The following SHANK2 variants were observed in gnomAD, a reference collection of about 807,000 sequenced individuals.
The protein encoded by SHANK2 is SH3 and multiple ankyrin repeat domains protein 2.
Under a neutral mutation model 133.7 loss-of-function variants are expected in SHANK2, and 43 were observed. That is an observed-to-expected ratio of 0.32 (90% CI 0.25 to 0.41). The LOEUF is 0.41. Ranked by LOEUF, SHANK2 falls within the 10% of genes least tolerant of loss-of-function variation. SHANK2 has a pLI of 1.00. For missense variants in SHANK2, 1,994 were observed against 2,235.8 expected (o/e 0.89, Z 2.18); for synonymous variants, 1,017 against 952.8 (o/e 1.07, Z -1.24).
At chr11:70,875,861 A>C (rs1160855783) in intron 11 of SHANK2, among the ~76,000 whole-genome samples, 2 of 151,920 alleles carry the variant, frequency 1.3e-5, no homozygotes, top group African/African-American at 4.8e-5. Flanking sequence ...GTTTCAAAAA[A>C]AAAAAAAAAA....
At chr11:70,541,709 T>G (rs1554975193) in intron 17 of SHANK2, among the ~76,000 whole-genome samples, 1 of 152,240 alleles carries the variant, frequency 6.6e-6, no homozygotes, top group African/African-American at 2.4e-5. Context: ...GGGAGATATT[T>G]TTGGTTGTGA....
At position 70,830,542 on chromosome 11, in the gene SHANK2, G is replaced by A. The variant is rs1948711318; in HGVS notation, c.1175-9860C>T. Among the ~76,000 whole-genome samples the A allele has an allele frequency of 6.6e-6, 1 of 152,238 alleles. No individual in the cohort carries two copies. The highest frequency in any genetic ancestry group is 2.1e-4 in the South Asian group (1 of 4,832). On this transcript the variant is annotated intron_variant, in intron 11 of 25. Coordinates refer to ENST00000601538, the MANE Select transcript of SHANK2 (RefSeq NM_012309.5). This position sits in a 1 kb window ranked among gnomAD's most constrained non-coding sequence, Gnocchi z 4.4. ...GAGAGCTGGGGAAGCAGAGGCGGGT[G>A]CACAGCCTCCCGCAGAACTCCGGGA...
At chr11:70,798,006 G>A (rs1298592252) in intron 14 of SHANK2, among the ~76,000 whole-genome samples, 4 of 152,114 alleles carry the variant, frequency 2.6e-5, no homozygotes, top group South Asian at 2.1e-4. Context: ...GCTTCCCGTC[G>A]GAACACTGAA....
chr11:70,863,602 G>A (rs782186018), intron 11 of SHANK2: 3 of 451,242 alleles, frequency 6.6e-6, no homozygotes, highest in East Asian at 7.0e-5. Context: ...TGGTGCAAAC[G>A]GAGCTTTGCT....
chr11:70,952,728 G>A (rs1555086922), intron 10 of SHANK2: 1 of 419,352 alleles, frequency 2.4e-6, no homozygotes, highest in Admixed American at 2.7e-5. Context: ...GCAGATGGCA[G>A]GGCGGCCCTG....
intron 14 of SHANK2, among the ~76,000 whole-genome samples, chr11:70,781,558 T>TTTTATATATATATATATATATATATATA (rs1555045156): frequency 1.1e-3 from 31 of 28,956 alleles, no homozygotes; most frequent in African/African-American, 2.9e-3. Context: ...TACTTACTTA[T>TTTTATATATATATATATATATATATATA]TATATATATA....
intron 6 of SHANK2, among the ~76,000 whole-genome samples, chr11:71,098,308 T>C (rs1269438848): frequency 6.6e-6 from 1 of 152,210 alleles, no homozygotes; most frequent in Non-Finnish European, 1.5e-5. Flanking sequence ...TCTGTGTGCA[T>C]GTGTGCACAC....
chr11:70,738,007 C>T (rs782670330), intron 14 of SHANK2, among the ~76,000 whole-genome samples: 10 of 152,354 alleles, frequency 6.6e-5, no homozygotes, highest in South Asian at 4.1e-4. Context: ...TGCCAGGAGC[C>T]GGGTGCCGGG....
chr11:70,860,276 G>T (rs1271486869), intron 11 of SHANK2, among the ~76,000 whole-genome samples: 3 of 152,158 alleles, frequency 2.0e-5, no homozygotes, highest in African/African-American at 7.2e-5. Flanking sequence ...GATTTTCTCA[G>T]CTCTGTACTT....
intron 10 of SHANK2, among the ~76,000 whole-genome samples, chr11:70,928,236 T>A (rs560445854): frequency 1.3e-5 from 2 of 152,162 alleles, no homozygotes; most frequent in East Asian, 3.9e-4. Context: ...ACCCCAGCCA[T>A]GGAGCTGCCC....
chr11:70,550,616 C>T (rs1272324737), intron 17 of SHANK2, among the ~76,000 whole-genome samples: 10 of 152,296 alleles, frequency 6.6e-5, no homozygotes, highest in South Asian at 4.1e-4. Flanking sequence ...CATTTGGTCC[C>T]GGATTCGCGT....
chr11:70,562,825 C>T (rs1237202410), intron 17 of SHANK2, among the ~76,000 whole-genome samples: 2 of 152,090 alleles, frequency 1.3e-5, no homozygotes, highest in Admixed American at 1.3e-4. Context: ...ATATTTTGCC[C>T]ACCCCCGCCA....
chr11:71,128,834 G>T (rs1211639900), intron 3 of SHANK2, among the ~76,000 whole-genome samples: 2 of 152,166 alleles, frequency 1.3e-5, no homozygotes, highest in African/African-American at 2.4e-5. Context: ...CGCCAGGCTG[G>T]AGTGCAGTGG....
At chr11:71,136,869 T>C (rs1190315643) in intron 3 of SHANK2, among the ~76,000 whole-genome samples, 1 of 152,176 alleles carries the variant, frequency 6.6e-6, no homozygotes, top group African/African-American at 2.4e-5. Context: ...TGGTATTCTT[T>C]TTTATTTTTT....
intron 10 of SHANK2, among the ~76,000 whole-genome samples, chr11:70,898,183 G>T (rs192798647): frequency 6.6e-6 from 1 of 150,476 alleles, no homozygotes; most frequent in Non-Finnish European, 1.5e-5. Context: ...TGTTGGCCAG[G>T]ATGGTCTCAA....
At chr11:70,566,141 T>C (rs1349585641) in intron 17 of SHANK2, among the ~76,000 whole-genome samples, 1 of 152,070 alleles carries the variant, frequency 6.6e-6, no homozygotes, top group Non-Finnish European at 1.5e-5. Context: ...TTCACTACTA[T>C]GAGAACAGTA....
intron 14 of SHANK2, among the ~76,000 whole-genome samples, chr11:70,720,557 T>G (rs1302329905): frequency 1.3e-5 from 2 of 152,228 alleles, no homozygotes; most frequent in Non-Finnish European, 2.9e-5. Context: ...CACTCATCCG[T>G]CACACCCCCA....
At chr11:70,953,763 C>G (rs1950877918) in intron 10 of SHANK2, among the ~76,000 whole-genome samples, 2 of 152,186 alleles carry the variant, frequency 1.3e-5, no homozygotes, top group South Asian at 4.1e-4. Flanking sequence ...TCAGACACAC[C>G]CAGAAACAAT....
chr11:70,536,179 G>A (rs2059541003), intron 17 of SHANK2, among the ~76,000 whole-genome samples: 1 of 152,206 alleles, frequency 6.6e-6, no homozygotes, highest in South Asian at 2.1e-4. Context: ...CCTTACCCTG[G>A]CCTCACTGCC....
Sources: gnomAD v4.1 joint callset for allele counts (sites outside exome capture counted in the v4.1 genomes callset) on GRCh38, gnomAD v4.1.1 for gene constraint, Gnocchi (gnomAD v3.1) non-coding constraint, MANE v1.5 for transcripts, NCBI Gene and HGNC (gene_info 2026-07-23, HGNC 2026-07-21) for gene names.